WDR35: variants seen among roughly 807,000 people sequenced by gnomAD.
WDR35 encodes WD repeat domain 35.
In WDR35, 118 loss-of-function variants were observed where a neutral mutation model predicts 158.3. That is an observed-to-expected ratio of 0.75 (90% CI 0.64 to 0.87). The LOEUF (loss-of-function observed/expected upper bound fraction) is 0.87. Among genes scored for constraint, WDR35 ranks in the 40% least tolerant of loss-of-function variants. The pLI, the probability that WDR35 is intolerant of heterozygous loss-of-function variation, is 0.00. For synonymous variants in WDR35, 448 were observed against 476.1 expected (o/e 0.94, Z 0.77); for missense variants, 1,263 against 1,405.8 (o/e 0.90, Z 1.62).
rs397984002 is a variant in WDR35 at position 19,964,396 on chromosome 2, T to TC, written c.1194+2327dup. ...CTTTTCTTTTCTTTTTTTTTTTTTT[T>TC]CTTTGGAGACAGAGTCTTACTCTGT... On this transcript the variant is annotated intron_variant, in intron 10 of 26. Coordinates refer to ENST00000281405, the MANE Select transcript of WDR35 (RefSeq NM_020779.4). Among the ~76,000 whole-genome samples the TC allele has an allele frequency of 4.3e-3, 644 of 148,632 alleles. 7 individuals carry two copies. The highest frequency in any genetic ancestry group is 0.015 in the African/African-American group (619 of 40,372).
chr2:19,919,380 C>CAAAAAAAAAAA (rs1302042752), intron 25 of WDR35, among the ~76,000 whole-genome samples: 20 of 48,084 alleles, frequency 4.2e-4, no homozygotes, highest in African/African-American at 7.9e-4. Flanking sequence ...GGCTCCATCT[C>CAAAAAAAAAAA]AAAAAAAAAA....
chr2:19,935,960 T>C (rs1354676989), intron 20 of WDR35, among the ~76,000 whole-genome samples: 1 of 152,102 alleles, frequency 6.6e-6, no homozygotes, highest in African/African-American at 2.4e-5. Flanking sequence ...TAAAACACCT[T>C]AGAATTATAT....
chr2:19,976,289 T>C (rs1672207740), intron 5 of WDR35, among the ~76,000 whole-genome samples: 1 of 152,192 alleles, frequency 6.6e-6, no homozygotes, highest in South Asian at 2.1e-4. Context: ...CTCTAACTAC[T>C]ATTTCTACCA....
intron 9 of WDR35, among the ~76,000 whole-genome samples, chr2:19,968,586 T>C (rs1671932212): frequency 1.3e-5 from 2 of 152,336 alleles, no homozygotes; most frequent in Non-Finnish European, 2.9e-5. Context: ...AATGTCCTTT[T>C]GACATTTCCC....
chr2:19,957,284 GA>G (rs2103431083), intron 11 of WDR35, among the ~76,000 whole-genome samples: 1 of 152,240 alleles, frequency 6.6e-6, no homozygotes, highest in South Asian at 2.1e-4. Context: ...ACAAAAAATA[GA>G]AATATATCTG....
chr2:19,978,179 TACACACACACACACAGACAC>T (rs1248162229), intron 5 of WDR35, among the ~76,000 whole-genome samples: 2 of 144,916 alleles, frequency 1.4e-5, no homozygotes, highest in Non-Finnish European at 3.0e-5. Context: ...TACATGAAGT[TACACACACACACACAGACAC>T]ACACACACAC....
At chr2:19,966,585 A>G (rs1671860382) in intron 10 of WDR35, 139 bp downstream of exon 10, 2 of 937,850 alleles carry the variant, frequency 2.1e-6, no homozygotes, top group African/African-American at 1.7e-5. Flanking sequence ...GAGTTTTCCA[A>G]AATTGGTCTA....
chr2:19,962,728 A>T (rs1441904318), intron 10 of WDR35, among the ~76,000 whole-genome samples: 1 of 151,398 alleles, frequency 6.6e-6, no homozygotes, highest in African/African-American at 2.4e-5. Flanking sequence ...CATAACATTT[A>T]AAAAAAAATA....
intron 11 of WDR35, among the ~76,000 whole-genome samples, chr2:19,954,857 TAAC>T (rs1291038723): frequency 1.3e-5 from 2 of 152,202 alleles, no homozygotes; most frequent in Admixed American, 6.5e-5. Context: ...CTGATGTTCA[TAAC>T]AACATTATTT....
rs1470982785 is a variant in WDR35, at chr2:19,953,849, T to C, written c.1385A>G (p.Lys462Arg). 6.2e-7 allele frequency: 1 copy of C among 1,614,004 alleles called. No homozygotes were observed. The highest frequency in any genetic ancestry group is 8.5e-7 in the Non-Finnish European group (1 of 1,180,012). Residue 462 changes from lysine (K) to arginine (R), a missense_variant, in exon 12 of 27, where the codon AAA becomes AGA. Transcript: ENST00000281405. ...LEINQITRSR[K>R]EGRERIYHVD... Reference sequence around the variant, plus strand: ...AAAGATATACCTTTCTCTCCCTTCTTTTCGAGACCGTGTGATCTGATTAAT... The same window carrying C: ...AAAGATATACCTTTCTCTCCCTTCTCTTCGAGACCGTGTGATCTGATTAAT...
intron 19 of WDR35, among the ~76,000 whole-genome samples, chr2:19,937,479 C>G (rs1415325341): frequency 1.3e-5 from 2 of 151,820 alleles, no homozygotes; most frequent in African/African-American, 2.4e-5. Flanking sequence ...CTCTGTTGTT[C>G]TATCATTTTT....
At chr2:19,933,164 C>A (rs530941417) in intron 22 of WDR35, among the ~76,000 whole-genome samples, 15 of 152,186 alleles carry the variant, frequency 9.9e-5, no homozygotes, top group Admixed American at 9.8e-4. Context: ...TGCTCCCATA[C>A]TGAGCTGGTT....
Position 19,932,326 on chromosome 2 carries a change from C to T in WDR35, c.2780G>A (p.Arg927Gln), listed in dbSNP as rs754997630. The change falls in exon 23 of 27, where the codon CGG becomes CAG. Residue 927 changes from arginine to glutamine, a missense_variant. By Grantham distance (43) the Arg-to-Gln change is conservative. Transcript: ENST00000281405. ...TGCATCAAAAAAGTAATTGGCTTTC[C>T]GATAGAGTTCTATGGCATCAAGAGT... Reference protein sequence around the residue: ...NKTLDAIELYRKANYFFDAAK... With the variant: ...NKTLDAIELYQKANYFFDAAK... 9.9e-6 allele frequency: 16 copies of T among 1,613,098 alleles called. No individual in the cohort carries two copies. The highest frequency in any genetic ancestry group is 5.0e-5 in the Admixed American group (3 of 59,976).
rs1487935085 is a variant in WDR35 at position 19,989,261 on chromosome 2, T to C, written c.46A>G (p.Lys16Glu). 1 of 1,614,202 alleles carries C rather than the reference T, an allele frequency of 6.2e-7. No homozygotes were observed. The highest frequency in any genetic ancestry group is 1.7e-5 in the Admixed American group (1 of 60,020). Residue 16 changes from lysine to glutamate, a missense_variant, in exon 2 of 27, where the codon AAG becomes GAG. Coordinates refer to ENST00000281405, the MANE Select transcript of WDR35 (RefSeq NM_020779.4). ...SKKISIPNNV[K>E]LQCVSWNKEQ... Reference sequence around the variant, plus strand: ...TTGTTCCAGGATACACACTGCAGCTTCACGTTATTGGGAATGGAAATCTGA... The same window carrying C: ...TTGTTCCAGGATACACACTGCAGCTCCACGTTATTGGGAATGGAAATCTGA...
chr2:19,986,939 CTATT>C (rs1275681778), intron 2 of WDR35, among the ~76,000 whole-genome samples: 1 of 152,110 alleles, frequency 6.6e-6, no homozygotes, highest in African/African-American at 2.4e-5. Flanking sequence ...AAAGTATTAA[CTATT>C]TATGCAAAGA....
intron 14 of WDR35, among the ~76,000 whole-genome samples, chr2:19,947,232 G>C (rs1671088718): frequency 6.6e-6 from 1 of 152,196 alleles, no homozygotes; most frequent in Non-Finnish European, 1.5e-5. Flanking sequence ...ATGGCAGTGG[G>C]ACAAAGTGGA....
At position 19,960,555 on chromosome 2, in the gene WDR35, A is replaced by T. The variant is rs2103435775; in HGVS notation, c.1254T>A (p.Ile418=). ...GTPLDPKYID[I]VPLFVAMTKT... ...AAATAAATATCAACATTTCCTTACC[A>T]ATATCAATGTATTTGGGATCCAAGG... Residue 418 remains isoleucine (I), a splice_region_variant and synonymous_variant, in exon 11 of 27, where the codon ATT becomes ATA. Coordinates refer to ENST00000281405, the MANE Select transcript of WDR35 (RefSeq NM_020779.4). 6.2e-7 allele frequency: 1 copy of T among 1,603,748 alleles called. No individual in the cohort carries two copies. The highest frequency in any genetic ancestry group is 1.7e-4 in the Middle Eastern group (1 of 6,042).
rs1464643578 is a variant in WDR35, at chr2:19,934,387, A to G, written c.2548-876T>C. Among the ~76,000 whole-genome samples, 2 of 152,124 alleles carry G rather than the reference A, an allele frequency of 1.3e-5. No individual in the cohort carries two copies. The highest frequency in any genetic ancestry group is 2.1e-4 in the South Asian group (1 of 4,832). On this transcript the variant is annotated intron_variant, in intron 21 of 26. Coordinates refer to ENST00000281405, the MANE Select transcript of WDR35 (RefSeq NM_020779.4). The surrounding 1 kb of genome is among the most constrained non-coding windows in gnomAD (Gnocchi z 4.6). ...TAACATCTTTGTCCTTTGAATATATATGTATATGTTTGTGTTGTACACAAT... is the reference window on the plus strand; with the variant it reads ...TAACATCTTTGTCCTTTGAATATATGTGTATATGTTTGTGTTGTACACAAT...
rs550915326 is a variant in WDR35 at position 19,973,576 on chromosome 2, G to C, written c.869C>G (p.Thr290Ser). 1 of 1,614,152 alleles carries C rather than the reference G, an allele frequency of 6.2e-7. No individual in the cohort carries two copies. The change falls in exon 8 of 27, where the codon ACT becomes AGT. Residue 290 changes from threonine to serine, a missense_variant. Thr to Ser is a moderately conservative substitution (Grantham distance 58, BLOSUM62 1). Transcript: ENST00000281405. ...GAATGCATTTACCTCACCAAACGGA[G>C]TGTAAAACTGCACAATGTTCACATC... ...DKDVNIVQFY[T>S]PFGEHLGTLK...
Sources: allele counts gnomAD v4.1 joint callset (sites outside exome capture counted in the v4.1 genomes callset), GRCh38; gene constraint gnomAD v4.1.1; non-coding constraint Gnocchi (gnomAD v3.1); transcripts MANE v1.5; gene names NCBI Gene and HGNC (gene_info 2026-07-23, HGNC 2026-07-21).